ISOC2: variants seen among roughly 807,000 people sequenced by gnomAD.
ISOC2 encodes the protein isochorismatase domain-containing protein 2.
Under a neutral mutation model 19.3 loss-of-function variants are expected in ISOC2, and 15 were observed. The observed-to-expected ratio is 0.78, with a 90% CI of 0.52 to 1.20. ISOC2 has a LOEUF of 1.20. Among genes scored for constraint, ISOC2 ranks in the 50% most tolerant of loss-of-function variants. The pLI, the probability that ISOC2 is intolerant of heterozygous loss-of-function variation, is 0.00. For synonymous variants in ISOC2, 106 were observed against 115.8 expected, an observed-to-expected ratio of 0.92 and a Z score of 0.54; for missense variants, 285 against 272.4, an observed-to-expected ratio of 1.05 and a Z score of -0.33.
At position 55,453,201 on chromosome 19, in the gene ISOC2, A is replaced by T. The variant is rs1487727702; in HGVS notation, c.*107T>A. 4 of 706,788 alleles carry T rather than the reference A, an allele frequency of 5.7e-6. No homozygotes were observed. The highest frequency in any genetic ancestry group is 3.8e-5 in the Admixed American group (1 of 26,540). The allele number at this position is 706,788 out of a possible 1,614,324, so 43.8% of individuals were successfully genotyped here. ...CCTGCCCCCCCCACAAGGGGGCGGC[A>T]CTCCTGGTGGATCGCACCACTCTTG... On this transcript the variant is annotated 3_prime_UTR_variant, in exon 6 of 6. Coordinates refer to ENST00000425675, the MANE Select transcript of ISOC2 (RefSeq NM_001136201.2).
In ISOC2 at chr19:55,456,434, A is replaced by G. The variant is rs200082282; in HGVS notation, c.53T>C (p.Leu18Pro). The part of the protein sequence containing the change: ...LGRVLPGSSV[L>P]FLCDMQEKFR... ...CTTCTCCTGCATGTCACACAGGAAC[A>G]GGACAGAGGATCCTGGGAGGACTCG... The change falls in exon 2 of 6, where the codon CTG (leucine) becomes CCG (proline). Residue 18 changes from leucine (L) to proline (P), a missense_variant. By Grantham distance (98) the Leu-to-Pro change is moderately conservative. Coordinates refer to ENST00000425675, the MANE Select transcript of ISOC2 (RefSeq NM_001136201.2). The G allele has an allele frequency of 7.4e-6, 12 of 1,613,742 alleles. No individual in the cohort carries two copies. In the East Asian group the frequency reaches 2.7e-4, roughly 36 times the overall value.
At chr19:55,453,410 G>A (rs760450717) in intron 5 of ISOC2, 22 bp from the exon 6 acceptor site, 4 of 1,555,864 alleles carry the variant, frequency 2.6e-6, no homozygotes, top group Non-Finnish European at 3.5e-6. Context: ...GGGGGCGATG[G>A]GTCAGGAAGC....
chr19:55,453,254 C>T lies in ISOC2; in HGVS notation c.*54G>A. 7.4e-7 allele frequency: 1 copy of T among 1,348,164 alleles called. No homozygotes were observed. The highest frequency in any genetic ancestry group is 1.0e-6 in the Non-Finnish European group (1 of 969,342). The allele number at this position is 1,348,164 out of a possible 1,614,324, so 83.5% of individuals were successfully genotyped here. A position where few individuals can be genotyped will look rare whatever the true frequency, so the allele number is the denominator to read the frequency against. On this transcript the variant is annotated 3_prime_UTR_variant, in exon 6 of 6. Coordinates refer to ENST00000425675, the MANE Select transcript of ISOC2 (RefSeq NM_001136201.2). ...ATCCAGGGATGGGGGGAACGGGCTTCCACTGAGGTCCGGGTGACAGGAGGG... is the reference window on the plus strand; with the variant it reads ...ATCCAGGGATGGGGGGAACGGGCTTTCACTGAGGTCCGGGTGACAGGAGGG...
At chr19:55,453,486 C>A (rs1332011975) in intron 5 of ISOC2, 98 bp from the exon 6 acceptor site, 9 of 825,800 alleles carry the variant, frequency 1.1e-5, no homozygotes, top group Non-Finnish European at 1.4e-5. Context: ...ATCTCTCGGA[C>A]CTTCTGGCTA....
At chr19:55,453,840 A>C (rs1263669441) in intron 5 of ISOC2, 1 of 152,054 alleles carries the variant, frequency 6.6e-6, no homozygotes, top group Non-Finnish European at 1.5e-5. Flanking sequence ...CCAGAAAATA[A>C]AATAAATAAA....
intron 5 of ISOC2, 51 bp downstream of exon 5, chr19:55,454,938 C>T: frequency 2.9e-6 from 4 of 1,362,324 alleles, no homozygotes; most frequent in South Asian, 2.3e-5. Flanking sequence ...AGCCCAAAGA[C>T]AAGACCTTTG....
Position 55,455,773 on chromosome 19 carries a change from C to G in ISOC2, c.211G>C (p.Glu71Gln). ...YPQGLGPTVP[E>Q]LGTEGLRPLA... ...GGCCGAAGGCCCTCAGTCCCCAGCT[C>G]GGGCACCGTGGGGCCCAGGCCTTGT... The change falls in exon 3 of 6, where the codon GAG becomes CAG. Residue 71 changes from glutamate (E) to glutamine (Q), a missense_variant. Physicochemically the swap from Glu to Gln is conservative, Grantham distance 29. Coordinates refer to ENST00000425675, the MANE Select transcript of ISOC2 (RefSeq NM_001136201.2). The G allele has an allele frequency of 1.9e-6, 3 of 1,577,746 alleles. No homozygotes were observed. The highest frequency in any genetic ancestry group is 2.6e-6 in the Non-Finnish European group (3 of 1,162,048).
At position 55,455,860 on chromosome 19, in the gene ISOC2, G is replaced by A. The variant is rs776155175; in HGVS notation, c.139-15C>T. On this transcript the variant is annotated splice_polypyrimidine_tract_variant and intron_variant, in intron 2 of 5. Coordinates refer to ENST00000425675, the MANE Select transcript of ISOC2 (RefSeq NM_001136201.2). ...AGCCGGGCCACCTGTGCCAGTGATG[G>A]GGAAGAAAGGTCAGGGTCTGAGGGA... The A allele has an allele frequency of 7.8e-6, 12 of 1,534,254 alleles. No individual in the cohort carries two copies. Among genetic ancestry groups the A allele is most frequent in the African/African-American group, 2.8e-5 (2 of 72,572 alleles).
In ISOC2 at chr19:55,459,498, C is replaced by T. The variant is rs893022632; in HGVS notation, c.-4+2014G>A. ...TGCAGTGTTCTCCTAGAGAAACTGA[C>T]GACAGAAAAATGATCTTTTCACAAA... On this transcript the variant is annotated intron_variant, in intron 1 of 5. Transcript: ENST00000425675. 3.3e-5 allele frequency among the ~76,000 whole-genome samples: 5 copies of T among 152,070 alleles called. No individual in the cohort carries two copies. In the East Asian group the frequency reaches 5.8e-4, roughly 18 times the overall value.
chr19:55,460,419 C>T (rs1271580388), intron 1 of ISOC2, among the ~76,000 whole-genome samples: 1 of 152,146 alleles, frequency 6.6e-6, no homozygotes, highest in Non-Finnish European at 1.5e-5. Flanking sequence ...AACCAGGCAC[C>T]GGGGAAGTCT....
At chr19:55,455,557 T>G (rs1270941571) in intron 3 of ISOC2, 79 bp downstream of exon 3, 7 of 1,276,052 alleles carry the variant, frequency 5.5e-6, no homozygotes, top group Non-Finnish European at 7.6e-6. Flanking sequence ...TGGAGGTTTC[T>G]GGTCAGGGAA....
rs879040926 is a variant in ISOC2 at position 55,453,183 on chromosome 19, C to A, written c.*125G>T. The A allele has an allele frequency of 3.3e-5, 20 of 601,720 alleles. No homozygotes were observed. In the South Asian group the frequency reaches 3.6e-4, roughly 11 times the overall value. The allele number at this position is 601,720 out of a possible 1,614,324, so 37.3% of individuals were successfully genotyped here. ...CCAATGGGAAGGCAGCACCCTGCCC[C>A]CCCCACAAGGGGGCGGCACTCCTGG... is the stretch of plus-strand genomic sequence containing the variant. On this transcript the variant is annotated 3_prime_UTR_variant, in exon 6 of 6. Transcript: ENST00000425675.
intron 3 of ISOC2, 93 bp downstream of exon 3, chr19:55,455,543 G>T (rs1986023643): frequency 1.7e-6 from 2 of 1,179,700 alleles, no homozygotes; most frequent in East Asian, 5.0e-5. Context: ...GTCCTGCAGG[G>T]AAGTGGAGGT....
At chr19:55,455,170 C>G in intron 4 of ISOC2, 64 bp from the exon 5 acceptor site, 1 of 1,574,708 alleles carries the variant, frequency 6.4e-7, no homozygotes, top group South Asian at 1.1e-5. Flanking sequence ...CCCAGACACG[C>G]AGGCACCCTG....
At position 55,453,199 on chromosome 19, in the gene ISOC2, G is replaced by GCACTCCTGGTGGATCGCACCACTC; in HGVS notation, c.*85_*108dup. On this transcript the variant is annotated 3_prime_UTR_variant, in exon 6 of 6. Transcript: ENST00000425675. ...ACCCTGCCCCCCCCACAAGGGGGCG[G>GCACTCCTGGTGGATCGCACCACTC]CACTCCTGGTGGATCGCACCACTCT... 1.4e-6 allele frequency: 1 copy of GCACTCCTGGTGGATCGCACCACTC among 694,486 alleles called. No individual in the cohort carries two copies. Among genetic ancestry groups the GCACTCCTGGTGGATCGCACCACTC allele is most frequent in the Non-Finnish European group, 2.3e-6 (1 of 434,186 alleles). The allele number at this position is 694,486 out of a possible 1,614,324, so 43.0% of individuals were successfully genotyped here. A position where few individuals can be genotyped will look rare whatever the true frequency, so the allele number is the denominator to read the frequency against.
At chr19:55,458,104 G>C (rs1434019550) in intron 1 of ISOC2, among the ~76,000 whole-genome samples, 1 of 151,632 alleles carries the variant, frequency 6.6e-6, no homozygotes, top group Non-Finnish European at 1.5e-5. Flanking sequence ...AGAAAAAAAG[G>C]ACAGGCTGGT....
In ISOC2 at chr19:55,455,679, C is replaced by T. The variant is rs967027571; in HGVS notation, c.305G>A (p.Arg102His). ...QQELDSRPQLRSVLLCGIEAQ... is the reference protein window; with the variant it reads ...QQELDSRPQLHSVLLCGIEAQ... ...CTCAATGCCACAGAGCAGCACAGAG[C>T]GCAGCTGGGGCCGACTGTCCAGCTC... The change falls in exon 3 of 6, where the codon CGC becomes CAC. Residue 102 changes from arginine (R) to histidine (H), a missense_variant. Transcript: ENST00000425675. 1.2e-5 allele frequency: 20 copies of T among 1,610,724 alleles called. No homozygotes were observed. Among genetic ancestry groups the T allele is most frequent in the African/African-American group, 2.7e-5 (2 of 74,902 alleles).
At chr19:55,460,293 T>C (rs1478131398) in intron 1 of ISOC2, among the ~76,000 whole-genome samples, 1 of 152,160 alleles carries the variant, frequency 6.6e-6, no homozygotes, top group African/African-American at 2.4e-5. Context: ...ACAGTGTGTA[T>C]GGAATGCTCC....
rs748893158 is a variant in ISOC2, at chr19:55,453,370, C to T, written c.556G>A (p.Glu186Lys). Residue 186 changes from glutamate to lysine, a missense_variant, in exon 6 of 6, where the codon GAG (glutamate) becomes AAG (lysine). Glu to Lys is a moderately conservative substitution (Grantham distance 56). Transcript: ENST00000425675. ...QFKEIQKLIKEPAPDSGLLGL... is the reference protein window; with the variant it reads ...QFKEIQKLIKKPAPDSGLLGL... ...AGCAGTCCGCTGTCTGGGGCGGGCT[C>T]CTTGATGAGTTTCTGGATCTGTAAG... 1 of 1,605,240 alleles carries T rather than the reference C, an allele frequency of 6.2e-7. No individual in the cohort carries two copies. Among genetic ancestry groups the T allele is most frequent in the East Asian group, 2.3e-5 (1 of 44,228 alleles).
Sources: gnomAD v4.1 joint callset for allele counts (sites outside exome capture counted in the v4.1 genomes callset) on GRCh38, gnomAD v4.1.1 for gene constraint, MANE v1.5 for transcripts, NCBI Gene and HGNC (gene_info 2026-07-23, HGNC 2026-07-21) for gene names.